Variants in HDAC9 observed in about 807,000 individuals in gnomAD.
The protein encoded by HDAC9 is histone deacetylase 9.
In HDAC9, 41 loss-of-function variants were observed where a neutral mutation model predicts 139.4. That is an observed-to-expected ratio of 0.29 (90% CI 0.23 to 0.38). The LOEUF (loss-of-function observed/expected upper bound fraction) is 0.38, where lower values mean the gene tolerates loss of function less well. Among genes scored for constraint, HDAC9 ranks in the 10% least tolerant of loss-of-function variants. The pLI is 1.00. For synonymous variants in HDAC9, 517 were observed against 476.2 expected, an observed-to-expected ratio of 1.09 and a Z score of -1.12; for missense variants, 1,147 against 1,297.0, an observed-to-expected ratio of 0.88 and a Z score of 1.78.
At chr7:18,113,774 A>C (rs947056740) in intron 1 of HDAC9, among the ~76,000 whole-genome samples, 1 of 152,230 alleles carries the variant, frequency 6.6e-6, no homozygotes, top group African/African-American at 2.4e-5. Flanking sequence ...TATTTCTCTC[A>C]GTTGAAACAT....
rs1248378576 is a variant in HDAC9, at chr7:18,684,375, C to G, written c.1731+17899C>G. Among the ~76,000 whole-genome samples the G allele has an allele frequency of 2.6e-5, 4 of 151,988 alleles. No homozygotes were observed. The South Asian group carries it at 8.3e-4, about 32-fold the overall frequency. On this transcript the variant is annotated intron_variant, in intron 12 of 25. Transcript: ENST00000686413. ...TCCTGTTAGGCCAGGTGCAGTGGCTCACACCTACAATCCCAGCACTTTGGG... is the reference window on the plus strand; with the variant it reads ...TCCTGTTAGGCCAGGTGCAGTGGCTGACACCTACAATCCCAGCACTTTGGG...
chr7:18,966,381 G>A (rs901889119), intron 24 of HDAC9, among the ~76,000 whole-genome samples: 2 of 152,166 alleles, frequency 1.3e-5, no homozygotes, highest in East Asian at 3.9e-4. Flanking sequence ...AGCTTGTGAC[G>A]TGCATGAAGC....
rs550808827 is a variant in HDAC9 at position 18,362,197 on chromosome 7, C to T, written c.-42+71682C>T. Among the ~76,000 whole-genome samples the T allele has an allele frequency of 9.9e-5, 15 of 152,258 alleles. No homozygotes were observed. The East Asian group carries it at 1.7e-3, about 18-fold the overall frequency. ...TTCATACTTGACCATGTAGACTTTC[C>T]GCATTTATTCCAGTCCTCATTTCCA... On this transcript the variant is annotated intron_variant, in intron 1 of 3. Coordinates refer to the HDAC9 transcript ENST00000413509.
intron 2 of HDAC9, among the ~76,000 whole-genome samples, chr7:18,520,770 CACCAAGCA>C: frequency 6.6e-6 from 1 of 152,290 alleles, no homozygotes; most frequent in East Asian, 1.9e-4. Flanking sequence ...CTTGGTCTGA[CACCAAGCA>C]AGAGGGTTTA....
intron 2 of HDAC9, chr7:18,509,238 G>A (rs905796601): frequency 2.0e-6 from 2 of 982,602 alleles, no homozygotes; most frequent in African/African-American, 3.5e-5. Context: ...AGCACAATTA[G>A]AATAGAGCAG....
At chr7:18,990,861 CT>C (rs1386040479) in intron 25 of HDAC9, among the ~76,000 whole-genome samples, 1 of 152,260 alleles carries the variant, frequency 6.6e-6, no homozygotes. Context: ...TCCCTGGCCC[CT>C]TGTGCTTCCC....
intron 17 of HDAC9, among the ~76,000 whole-genome samples, chr7:18,820,084 A>G (rs548917280): frequency 1.3e-5 from 2 of 152,318 alleles, no homozygotes; most frequent in East Asian, 3.9e-4. Flanking sequence ...AAAGTTCGAG[A>G]AACAGATTTG....
At chr7:18,957,957 C>T (rs972684144) in intron 24 of HDAC9, among the ~76,000 whole-genome samples, 2 of 152,132 alleles carry the variant, frequency 1.3e-5, no homozygotes, top group Non-Finnish European at 2.9e-5. Context: ...CTCTAGATAG[C>T]CTTATCCCAA....
chr7:18,976,715 G>C (rs1784573420), intron 25 of HDAC9, among the ~76,000 whole-genome samples: 17 of 152,146 alleles, frequency 1.1e-4, no homozygotes, highest in Admixed American at 1.1e-3. Flanking sequence ...TTTCTTTGAA[G>C]TCTACCAAAG....
At chr7:18,156,423 T>G (rs1787207756) in intron 1 of HDAC9, among the ~76,000 whole-genome samples, 1 of 152,196 alleles carries the variant, frequency 6.6e-6, no homozygotes, top group South Asian at 2.1e-4. Context: ...GATATTTTTC[T>G]TTCTTTCTCT....
intron 1 of HDAC9, among the ~76,000 whole-genome samples, chr7:18,121,724 CACTGAGGCCTAAACCTT>C (rs1331972077): frequency 1.3e-5 from 2 of 152,138 alleles, no homozygotes; most frequent in Non-Finnish European, 2.9e-5. Flanking sequence ...GCATCAGGAA[CACTGAGGCCTAAACCTT>C]ACTGTCTTAT....
chr7:18,481,556 G>T (rs1437519866), intron 1 of HDAC9, among the ~76,000 whole-genome samples: 2 of 152,044 alleles, frequency 1.3e-5, no homozygotes, highest in African/African-American at 4.8e-5. Flanking sequence ...TGAGTACCAG[G>T]GTATTTTTGT....
chr7:18,131,556 A>G (rs1785011552), intron 1 of HDAC9, among the ~76,000 whole-genome samples: 1 of 152,182 alleles, frequency 6.6e-6, no homozygotes, highest in Admixed American at 6.6e-5. Flanking sequence ...GGTAGAGTGT[A>G]TACATACTAT....
In HDAC9 at chr7:18,859,848, A is replaced by G. The variant is rs1444268935; in HGVS notation, c.2685-14630A>G. 4.1e-3 allele frequency among the ~76,000 whole-genome samples: 499 copies of G among 122,284 alleles called. 4 individuals carry two copies. The highest frequency in any genetic ancestry group is 5.1e-3 in the Non-Finnish European group (306 of 59,706). 80.2% of individuals were successfully genotyped at this position (122,284 alleles called of 152,430 possible). The stretch of plus-strand genomic sequence containing the variant: ...TATATATATATATATATATATATAT[A>G]TATATATATATGTGAGAGAATGAGA... On this transcript the variant is annotated intron_variant, in intron 21 of 25. Transcript: ENST00000686413.
chr7:18,364,522 G>A lies in HDAC9; in HGVS notation c.-42+74007G>A, dbSNP rs528824454. Among the ~76,000 whole-genome samples, 12 of 152,126 alleles carry A rather than the reference G, an allele frequency of 7.9e-5. 1 individual carries two copies. In the South Asian group the frequency reaches 1.5e-3, roughly 18 times the overall value. On this transcript the variant is annotated intron_variant, in intron 1 of 3. Coordinates refer to the HDAC9 transcript ENST00000413509. Reference sequence around the variant, plus strand: ...AGTAAAGAAGAAGAGACAGTCATTCGAAAATAGAGAATTTTCTATACCTTT... The same window carrying A: ...AGTAAAGAAGAAGAGACAGTCATTCAAAAATAGAGAATTTTCTATACCTTT...
chr7:18,541,166 T>C (rs574871137), intron 2 of HDAC9, among the ~76,000 whole-genome samples: 14 of 147,456 alleles, frequency 9.5e-5, no homozygotes, highest in Middle Eastern at 3.4e-3. Flanking sequence ...TTTTTTTTTT[T>C]CTGATTGAAA....
rs771488080 is a variant in HDAC9, at chr7:18,733,006, CAT to C, written c.1909+5250_1909+5251del. Among the ~76,000 whole-genome samples, 49 of 139,426 alleles carry C rather than the reference CAT, an allele frequency of 3.5e-4. 1 individual carries two copies. Among genetic ancestry groups the C allele is most frequent in the African/African-American group, 1.2e-3 (41 of 34,714 alleles). 91.5% of individuals were successfully genotyped at this position (139,426 alleles called of 152,430 possible). The stretch of plus-strand genomic sequence containing the variant: ...GTATGTGTGTGTATGTGTATATACA[CAT>C]GTGTATGTGTGTATATATGTATATA... On this transcript the variant is annotated intron_variant, in intron 13 of 25. Coordinates refer to ENST00000686413, the MANE Select transcript of HDAC9 (RefSeq NM_178425.4).
intron 17 of HDAC9, among the ~76,000 whole-genome samples, 186 bp downstream of exon 17, chr7:18,793,638 C>G (rs912210472): frequency 3.3e-5 from 5 of 152,174 alleles, no homozygotes; most frequent in African/African-American, 4.8e-5. Context: ...ATCCTGCTCT[C>G]AGGGCCTTCT....
intron 13 of HDAC9, among the ~76,000 whole-genome samples, chr7:18,739,492 T>C (rs1584950203): frequency 6.6e-6 from 1 of 152,232 alleles, no homozygotes; most frequent in South Asian, 2.1e-4. Context: ...CCTTTCTGTT[T>C]GTTAGTTTTC....
Sources: gnomAD v4.1 joint callset for allele counts (sites outside exome capture counted in the v4.1 genomes callset) on GRCh38, gnomAD v4.1.1 for gene constraint, MANE v1.5 for transcripts, NCBI Gene and HGNC (gene_info 2026-07-23, HGNC 2026-07-21) for gene names.